The following DLGAP2 variants were observed in gnomAD, a reference collection of about 807,000 sequenced individuals.
DLGAP2 encodes the protein disks large-associated protein 2.
DLGAP2 carries 26 observed loss-of-function variants against 100.3 expected under a neutral mutation model. The ratio of observed to expected loss-of-function variants is 0.26; its 90% CI spans 0.19 to 0.36. DLGAP2 has a LOEUF of 0.36. DLGAP2 is among the 10% of genes least tolerant of loss of function. The probability of loss-of-function intolerance (pLI) is 1.00; values close to 1 mark genes in which losing one functional copy is unlikely to be tolerated. For synonymous variants in DLGAP2, 886 were observed against 630.1 expected (o/e 1.41, Z -6.08); for missense variants, 1,858 against 1,453.2 (o/e 1.28, Z -4.53).
At position 1,631,754 on chromosome 8, in the gene DLGAP2, G is replaced by A. The variant is rs551221423; in HGVS notation, c.1591-1073G>A. On this transcript the variant is annotated intron_variant, in intron 7 of 14. Transcript: ENST00000637795. Reference sequence around the variant, plus strand: ...AGGGTCCATGCTGAGTTAGGCTCACGAGGAAAGAGGCCGTCCTTCCAGCAC... The same window carrying A: ...AGGGTCCATGCTGAGTTAGGCTCACAAGGAAAGAGGCCGTCCTTCCAGCAC... 4.0e-4 allele frequency among the ~76,000 whole-genome samples: 61 copies of A among 152,350 alleles called. No individual in the cohort carries two copies. The South Asian group carries it at 4.3e-3, about 11-fold the overall frequency.
At chr8:1,250,766 G>A (rs897758209) in intron 2 of DLGAP2, among the ~76,000 whole-genome samples, 3 of 152,142 alleles carry the variant, frequency 2.0e-5, no homozygotes, top group South Asian at 4.1e-4. Context: ...ATGCAATTAT[G>A]TAATTGAAGG....
chr8:1,191,215 AGGCTGGAGTACAGT>A, intron 2 of DLGAP2, among the ~76,000 whole-genome samples: 1 of 139,194 alleles, frequency 7.2e-6, no homozygotes, highest in Admixed American at 7.3e-5. Flanking sequence ...TCTGTCACCC[AGGCTGGAGTACAGT>A]GGCGCGATCT....
chr8:1,388,912 T>G (rs1368118121), intron 3 of DLGAP2, among the ~76,000 whole-genome samples: 60 of 86,388 alleles, frequency 6.9e-4, no homozygotes, highest in African/African-American at 2.5e-3. Context: ...GAGAGGCAGA[T>G]GCCGTGGATG....
intron 1 of DLGAP2, among the ~76,000 whole-genome samples, chr8:836,869 T>C (rs758562765): frequency 1.5e-4 from 23 of 152,240 alleles, no homozygotes; most frequent in Non-Finnish European, 2.8e-4. Context: ...TCTCCTTTCA[T>C]GTTTTGCTTC....
intron 2 of DLGAP2, among the ~76,000 whole-genome samples, chr8:1,003,910 T>C (rs1181790341): frequency 1.3e-5 from 2 of 152,364 alleles, no homozygotes; most frequent in African/African-American, 2.4e-5. Flanking sequence ...TTTGTCATCA[T>C]GTTTCAGCTT....
chr8:1,264,547 A>G (rs1031550173), intron 3 of DLGAP2, among the ~76,000 whole-genome samples: 10 of 152,276 alleles, frequency 6.6e-5, no homozygotes, highest in East Asian at 1.9e-4. Flanking sequence ...GAAGGACCAC[A>G]TGATGACATT....
intron 2 of DLGAP2, among the ~76,000 whole-genome samples, chr8:1,132,884 A>G (rs951661464): frequency 6.6e-6 from 1 of 152,240 alleles, no homozygotes; most frequent in Non-Finnish European, 1.5e-5. Context: ...GTTAAAGAAG[A>G]GAAGCTTTGT....
At position 1,453,980 on chromosome 8, in the gene DLGAP2, G is replaced by A. The variant is rs114225641; in HGVS notation, c.107-47386G>A. Among the ~76,000 whole-genome samples, 913 of 152,340 alleles carry A rather than the reference G, an allele frequency of 6.0e-3. 13 individuals are homozygous for A. Among genetic ancestry groups the A allele is most frequent in the African/African-American group, 0.02 (839 of 41,570 alleles). On this transcript the variant is annotated intron_variant, in intron 3 of 14. Transcript: ENST00000637795. ...GCCAGATGTGGCGTGTGGCGCAGGC[G>A]ATGTCGGCTGGCGTGGCCTCCTGCC...
At chr8:905,043 G>A (rs1471593534) in intron 1 of DLGAP2, among the ~76,000 whole-genome samples, 5 of 152,162 alleles carry the variant, frequency 3.3e-5, no homozygotes, top group African/African-American at 7.2e-5. Flanking sequence ...TGACTGTGGC[G>A]GGTAGAATGC....
intron 2 of DLGAP2, among the ~76,000 whole-genome samples, chr8:1,199,896 C>T (rs528300372): frequency 7.9e-5 from 12 of 152,114 alleles, no homozygotes; most frequent in East Asian, 1.9e-4. Flanking sequence ...ATCTCTACAC[C>T]GCCCCCTCCC....
intron 2 of DLGAP2, among the ~76,000 whole-genome samples, chr8:946,655 T>C (rs1799334316): frequency 6.6e-6 from 1 of 152,164 alleles, no homozygotes; most frequent in South Asian, 2.1e-4. Context: ...AAATTTTGCA[T>C]GGTAACAGCA....
intron 3 of DLGAP2, among the ~76,000 whole-genome samples, chr8:1,383,091 TG>T: frequency 6.6e-6 from 1 of 152,374 alleles, no homozygotes; most frequent in East Asian, 1.9e-4. Flanking sequence ...CATCGCCACG[TG>T]GGCAGTGCCA....
At chr8:813,732 T>C (rs1014811501) in intron 1 of DLGAP2, among the ~76,000 whole-genome samples, 2 of 152,196 alleles carry the variant, frequency 1.3e-5, no homozygotes. Context: ...TCCCCAGCTC[T>C]GCATTCCGAG....
At chr8:1,557,696 C>T (rs1219722294) in intron 5 of DLGAP2, among the ~76,000 whole-genome samples, 4 of 152,160 alleles carry the variant, frequency 2.6e-5, no homozygotes, top group Non-Finnish European at 5.9e-5. Context: ...AGTCCCAAGG[C>T]CAGCTCCTGC....
intron 8 of DLGAP2, among the ~76,000 whole-genome samples, chr8:1,650,834 G>A (rs1419160904): frequency 6.8e-6 from 1 of 147,104 alleles, no homozygotes; most frequent in Non-Finnish European, 1.5e-5. Flanking sequence ...AGTTGCTGGA[G>A]CAGAGATGGG....
chr8:1,080,642 G>A (rs536067620), intron 2 of DLGAP2, among the ~76,000 whole-genome samples: 3 of 152,298 alleles, frequency 2.0e-5, no homozygotes, highest in East Asian at 1.9e-4. Context: ...TGGGCCCTGC[G>A]CTCTGTCCTT....
chr8:1,603,332 A>G (rs1046402991), intron 6 of DLGAP2, among the ~76,000 whole-genome samples: 13 of 144,998 alleles, frequency 9.0e-5, no homozygotes, highest in African/African-American at 2.9e-4. Flanking sequence ...GGCTGGTTAG[A>G]GTGGAGGCTG....
intron 2 of DLGAP2, among the ~76,000 whole-genome samples, chr8:1,163,202 G>A (rs1372238370): frequency 1.3e-5 from 2 of 152,232 alleles, no homozygotes; most frequent in Non-Finnish European, 2.9e-5. Context: ...ACGTGTCTGT[G>A]CCAGTGAAAA....
chr8:1,311,752 G>A (rs1411833142), intron 3 of DLGAP2, among the ~76,000 whole-genome samples: 5 of 151,702 alleles, frequency 3.3e-5, no homozygotes, highest in African/African-American at 1.2e-4. Flanking sequence ...AAATTTCTCA[G>A]TATGATAAAG....
Sources: allele counts gnomAD v4.1 joint callset (sites outside exome capture counted in the v4.1 genomes callset), GRCh38; gene constraint gnomAD v4.1.1; transcripts MANE v1.5; gene names NCBI Gene and HGNC (gene_info 2026-07-23, HGNC 2026-07-21).